ALDH1A2: variants seen among roughly 807,000 people sequenced by gnomAD.
ALDH1A2 encodes aldehyde dehydrogenase 1 family member A2.
A neutral mutation model predicts 60.3 loss-of-function variants in ALDH1A2; 27 were observed. The observed-to-expected ratio is 0.45, with a 90% CI of 0.33 to 0.62. ALDH1A2 has a LOEUF of 0.62. Ranked by LOEUF, ALDH1A2 falls within the 20% of genes least tolerant of loss-of-function variation. ALDH1A2 has a pLI of 0.02. For missense variants in ALDH1A2, 581 were observed against 643.8 expected (o/e 0.90, Z 1.06); for synonymous variants, 289 against 232.4 (o/e 1.24, Z -2.21).
chr15:57,993,170 G>A (rs764670433), intron 5 of ALDH1A2, 97 bp from the exon 6 acceptor site: 12 of 1,434,450 alleles, frequency 8.4e-6, no homozygotes, highest in East Asian at 2.4e-5. Flanking sequence ...ACTAGTCCTC[G>A]ACATAAATCT....
At chr15:57,990,834 C>G (rs1894872755) in intron 7 of ALDH1A2, among the ~76,000 whole-genome samples, 1 of 139,014 alleles carries the variant, frequency 7.2e-6, no homozygotes, top group Admixed American at 8.1e-5. Flanking sequence ...CAAGATTGTG[C>G]CACTTCAATC....
Position 58,020,601 on chromosome 15 carries a change from C to G in ALDH1A2, c.118-6320G>C, listed in dbSNP as rs184172636. Among the ~76,000 whole-genome samples, 3 of 152,290 alleles carry G rather than the reference C, an allele frequency of 2.0e-5. No homozygotes were observed. In the East Asian group the frequency reaches 5.8e-4, roughly 29 times the overall value. On this transcript the variant is annotated intron_variant, in intron 1 of 12. Coordinates refer to ENST00000249750, the MANE Select transcript of ALDH1A2 (RefSeq NM_003888.4). ...TGGAACATTATTAGTATTACTGAAG[C>G]TACCTGTGTGTTTCTTCCTAATCCC...
chr15:58,022,577 G>A (rs906739958), intron 1 of ALDH1A2, among the ~76,000 whole-genome samples: 5 of 152,032 alleles, frequency 3.3e-5, no homozygotes, highest in African/African-American at 7.2e-5. Context: ...TCCAACACAG[G>A]TGCCAGGGTA....
intron 7 of ALDH1A2, among the ~76,000 whole-genome samples, chr15:57,991,194 T>A (rs1231141994): frequency 6.6e-6 from 1 of 152,208 alleles, no homozygotes; most frequent in East Asian, 1.9e-4. Context: ...TCTTTTACAG[T>A]TGTCTTAAAT....
At chr15:58,057,037 T>C (rs921269025) in intron 1 of ALDH1A2, among the ~76,000 whole-genome samples, 2 of 152,086 alleles carry the variant, frequency 1.3e-5, no homozygotes, top group Non-Finnish European at 2.9e-5. Flanking sequence ...TGTAGATACA[T>C]ATACTCCATG....
At chr15:58,035,856 G>A (rs2140548593) in intron 1 of ALDH1A2, among the ~76,000 whole-genome samples, 1 of 151,696 alleles carries the variant, frequency 6.6e-6, no homozygotes, top group South Asian at 2.1e-4. Flanking sequence ...CTTTGTGAGA[G>A]CTTGAGAAAA....
intron 1 of ALDH1A2, among the ~76,000 whole-genome samples, chr15:58,037,995 T>G (rs1896420161): frequency 6.6e-6 from 1 of 151,680 alleles, no homozygotes; most frequent in Non-Finnish European, 1.5e-5. Context: ...AACTCAGTTT[T>G]CCCCCGTGGG....
At chr15:57,968,115 G>A (rs1382051877) in intron 7 of ALDH1A2, among the ~76,000 whole-genome samples, 2 of 152,074 alleles carry the variant, frequency 1.3e-5, no homozygotes, top group Non-Finnish European at 2.9e-5. Flanking sequence ...GCTCCACTCT[G>A]GGGGAATCCA....
At chr15:58,003,094 C>T (rs1006052999) in intron 4 of ALDH1A2, among the ~76,000 whole-genome samples, 6 of 151,900 alleles carry the variant, frequency 3.9e-5, no homozygotes, top group Non-Finnish European at 7.4e-5. Context: ...TATTCCACTA[C>T]ATGATCGTAA....
intron 7 of ALDH1A2, among the ~76,000 whole-genome samples, chr15:57,971,805 T>A (rs1894075756): frequency 6.6e-6 from 1 of 152,182 alleles, no homozygotes; most frequent in Non-Finnish European, 1.5e-5. Context: ...GCTCACTGCA[T>A]CCTTCAACTC....
chr15:57,995,142 G>C lies in ALDH1A2; in HGVS notation c.494-3C>G, dbSNP rs1386392209. The C allele has an allele frequency of 7.0e-7, 1 of 1,437,206 alleles. No individual in the cohort carries two copies. Among genetic ancestry groups the C allele is most frequent in the Admixed American group, 2.1e-5 (1 of 48,480 alleles). 89.0% of individuals were successfully genotyped at this position (1,437,206 alleles called of 1,614,324 possible). On this transcript the variant is annotated splice_polypyrimidine_tract_variant and splice_region_variant and intron_variant, in intron 4 of 12. Coordinates refer to ENST00000249750, the MANE Select transcript of ALDH1A2 (RefSeq NM_003888.4). Reference sequence around the variant, plus strand: ...TGTAAAGGTAAAATAGTCTCCATCTGAAAGAAAAAAGCATGGTCACTCCCA... The same window carrying C: ...TGTAAAGGTAAAATAGTCTCCATCTCAAAGAAAAAAGCATGGTCACTCCCA...
chr15:57,985,004 T>C (rs1229303855), intron 7 of ALDH1A2, among the ~76,000 whole-genome samples: 3 of 152,206 alleles, frequency 2.0e-5, no homozygotes, highest in African/African-American at 7.2e-5. Flanking sequence ...TTTTTATATA[T>C]TTCTGGATTT....
At chr15:57,956,009 TC>T (rs1893512505) in intron 12 of ALDH1A2, among the ~76,000 whole-genome samples, 1 of 152,202 alleles carries the variant, frequency 6.6e-6, no homozygotes, top group South Asian at 2.1e-4. Context: ...TCCTCTTTCG[TC>T]CTCTCTGTTC....
intron 7 of ALDH1A2, among the ~76,000 whole-genome samples, chr15:57,988,600 C>T (rs1464243175): frequency 6.6e-6 from 1 of 152,280 alleles, no homozygotes; most frequent in East Asian, 1.9e-4. Context: ...TGCAAAGAGG[C>T]ATGAGAAATC....
intron 7 of ALDH1A2, among the ~76,000 whole-genome samples, chr15:57,982,157 C>T (rs1215339547): frequency 1.3e-5 from 2 of 152,240 alleles, no homozygotes; most frequent in Non-Finnish European, 2.9e-5. Context: ...ATAACAAACA[C>T]ACTCTTTCTG....
intron 4 of ALDH1A2, among the ~76,000 whole-genome samples, chr15:58,002,063 T>G (rs1387046953): frequency 1.3e-5 from 2 of 151,920 alleles, no homozygotes; most frequent in Non-Finnish European, 2.9e-5. Context: ...GGGGGTTATT[T>G]TAAGACCCAG....
chr15:58,004,743 A>ATATT (rs1213743197), intron 4 of ALDH1A2, among the ~76,000 whole-genome samples: 11 of 146,968 alleles, frequency 7.5e-5, no homozygotes, highest in Admixed American at 1.4e-4. Context: ...ATATATATAT[A>ATATT]TTTTATCCAG....
At chr15:57,977,649 A>C (rs765496525) in intron 7 of ALDH1A2, among the ~76,000 whole-genome samples, 1 of 152,216 alleles carries the variant, frequency 6.6e-6, no homozygotes, top group Non-Finnish European at 1.5e-5. Flanking sequence ...GGGTAGCATG[A>C]TGCCTCCAGC....
At chr15:58,033,060 G>T (rs1388531687) in intron 1 of ALDH1A2, among the ~76,000 whole-genome samples, 1 of 151,956 alleles carries the variant, frequency 6.6e-6, no homozygotes, top group East Asian at 1.9e-4. Flanking sequence ...TAGGTTAAAG[G>T]ATACCTATAG....
Sources: gnomAD v4.1 joint callset for allele counts (sites outside exome capture counted in the v4.1 genomes callset) on GRCh38, gnomAD v4.1.1 for gene constraint, MANE v1.5 for transcripts, NCBI Gene and HGNC (gene_info 2026-07-23, HGNC 2026-07-21) for gene names.